DOK4: variants seen among roughly 807,000 people sequenced by gnomAD.
DOK4 encodes the protein docking protein 4.
DOK4 carries 26 observed loss-of-function variants against 40.1 expected under a neutral mutation model. That is an observed-to-expected ratio of 0.65 (90% CI 0.48 to 0.90). The LOEUF (loss-of-function observed/expected upper bound fraction) is 0.90. Ranked by LOEUF, DOK4 falls within the 40% of genes least tolerant of loss-of-function variation. DOK4 has a pLI of 0.00. For missense variants in DOK4, 392 were observed against 437.2 expected, an observed-to-expected ratio of 0.90 and a Z score of 0.92; for synonymous variants, 179 against 177.0, an observed-to-expected ratio of 1.01 and a Z score of -0.09.
chr16:57,475,473 G>A (rs1299311799), intron 4 of DOK4, 33 bp downstream of exon 4: 1 of 1,562,198 alleles, frequency 6.4e-7, no homozygotes, highest in Non-Finnish European at 8.7e-7. Context: ...CCACCCCAGG[G>A]GAGGCAGATG....
chr16:57,482,367 T>TG (rs1364723504), intron 1 of DOK4, among the ~76,000 whole-genome samples: 8 of 138,684 alleles, frequency 5.8e-5, no homozygotes, highest in Non-Finnish European at 9.4e-5. Flanking sequence ...GCTTTTGTTT[T>TG]TTTTTTTTTT....
Position 57,475,846 on chromosome 16 carries a change from T to C in DOK4, c.174+4A>G. 1 of 1,594,922 alleles carries C rather than the reference T, an allele frequency of 6.3e-7. No homozygotes were observed. The highest frequency in any genetic ancestry group is 1.1e-5 in the South Asian group (1 of 90,734). ...TGGGGGAGCTAGGGCCCAGGCCTCC[T>C]AACCTTGGGGCAGCCCCGGAGGCAC... On this transcript the variant is annotated splice_donor_region_variant and intron_variant, in intron 3 of 8. Coordinates refer to ENST00000340099, the Ensembl canonical transcript of DOK4.
In DOK4 at chr16:57,479,390, C is replaced by A; in HGVS notation, c.66+52G>T. On this transcript the variant is annotated intron_variant, in intron 2 of 8. Coordinates refer to ENST00000340099, the Ensembl canonical transcript of DOK4. The surrounding 1 kb of genome is among the most constrained non-coding windows in gnomAD (Gnocchi z 5.8). ...CATGCCTCCAAGCCTGGGACCGAGT[C>A]CTCGGGCCCCCATCCCTTGGCAGGG... 6.3e-7 allele frequency: 1 copy of A among 1,595,716 alleles called. No individual in the cohort carries two copies. The highest frequency in any genetic ancestry group is 1.1e-5 in the South Asian group (1 of 90,434).
chr16:57,477,499 G>A (rs143214354), intron 2 of DOK4, among the ~76,000 whole-genome samples: 33 of 152,356 alleles, frequency 2.2e-4, no homozygotes, highest in Middle Eastern at 3.4e-3. Flanking sequence ...TGGATGAATG[G>A]ATGGATGCTG....
exon 5 of DOK4, chr16:57,475,127 C>T (rs765888102): frequency 8.1e-6 from 13 of 1,612,846 alleles, no homozygotes; most frequent in South Asian, 1.1e-5. Context: ...ACCCCTGGGG[C>T]CAGGAGGTCA....
chr16:57,478,525 G>C (rs2031286324), intron 2 of DOK4: 1 of 152,282 alleles, frequency 6.6e-6, no homozygotes, highest in South Asian at 2.1e-4. Flanking sequence ...TCCTACAGGG[G>C]AAGGGGCAAC....
At chr16:57,472,269 C>G (rs1440818340) in exon 9 of DOK4, 1 of 152,610 alleles carries the variant, frequency 6.6e-6, no homozygotes, top group Admixed American at 6.5e-5. Context: ...AATCAGGACC[C>G]TAAAGTATTA....
At chr16:57,486,469 C>G (rs1370021335) in exon 1 of DOK4, 1 of 151,954 alleles carries the variant, frequency 6.6e-6, no homozygotes, top group Non-Finnish European at 1.5e-5. Context: ...GATCGGGCTC[C>G]GGCTGGGGCT....
intron 1 of DOK4, among the ~76,000 whole-genome samples, chr16:57,482,363 GT>G (rs11390639): frequency 0.071 from 6,570 of 92,822 alleles, 59 homozygotes; most frequent in African/African-American, 0.13. Flanking sequence ...TGGGGCTTTT[GT>G]TTTTTTTTTT....
intron 1 of DOK4, among the ~76,000 whole-genome samples, chr16:57,484,522 C>T (rs1386906335): frequency 1.3e-5 from 2 of 152,148 alleles, no homozygotes; most frequent in African/African-American, 2.4e-5. Flanking sequence ...CAGACAGGGA[C>T]GGCAGAAGGA....
At chr16:57,484,799 CACA>C (rs772703513) in intron 1 of DOK4, among the ~76,000 whole-genome samples, 2 of 152,248 alleles carry the variant, frequency 1.3e-5, no homozygotes, top group Non-Finnish European at 2.9e-5. Context: ...CAGCCTCTCT[CACA>C]ACATCAGATG....
rs1242850291 is a variant in DOK4, at chr16:57,479,015, G to C, written c.66+427C>G. 6.6e-6 allele frequency among the ~76,000 whole-genome samples: 1 copy of C among 152,216 alleles called. No homozygotes were observed. Among genetic ancestry groups the C allele is most frequent in the Non-Finnish European group, 1.5e-5 (1 of 68,038 alleles). On this transcript the variant is annotated intron_variant, in intron 2 of 8. Transcript: ENST00000340099. The surrounding 1 kb of genome is among the most constrained non-coding windows in gnomAD (Gnocchi z 5.8). Reference sequence around the variant, plus strand: ...ACCTAAAAGAAAAGAGGCCAGGAGAGGTGAGGGGAGGCCGGGGGTGGGGGG... The same window carrying C: ...ACCTAAAAGAAAAGAGGCCAGGAGACGTGAGGGGAGGCCGGGGGTGGGGGG...
In DOK4 at chr16:57,479,398, C is replaced by A. The variant is rs746577337; in HGVS notation, c.66+44G>T. 6.8e-6 allele frequency: 11 copies of A among 1,607,808 alleles called. No individual in the cohort carries two copies. In the East Asian group the frequency reaches 2.2e-4, roughly 33 times the overall value. On this transcript the variant is annotated intron_variant, in intron 2 of 8. Transcript: ENST00000340099. This position sits in a 1 kb window ranked among gnomAD's most constrained non-coding sequence, Gnocchi z 5.8. ...CAAGCCTGGGACCGAGTCCTCGGGC[C>A]CCCATCCCTTGGCAGGGCCCCTCCG...
chr16:57,475,511 T>TC lies in DOK4; in HGVS notation c.283dup (p.Asp95GlyfsTer31). ...GGCCCATACTCGCGCCTCACCTGAG[T>TC]CGCAGGTGAAGGTACGTGCCGAGTC... On this transcript the variant is annotated frameshift_variant, in exon 4 of 9. Coordinates refer to ENST00000340099, the Ensembl canonical transcript of DOK4. LOFTEE classifies it high-confidence loss of function. The TC allele has an allele frequency of 6.2e-7, 1 of 1,603,726 alleles. No homozygotes were observed. Among genetic ancestry groups the TC allele is most frequent in the Non-Finnish European group, 8.5e-7 (1 of 1,175,666 alleles).
rs374243109 is a variant in DOK4, at chr16:57,474,990, G to T, written c.410-8C>A. On this transcript the variant is annotated splice_polypyrimidine_tract_variant and splice_region_variant and intron_variant, in intron 5 of 8. Coordinates refer to ENST00000340099, the Ensembl canonical transcript of DOK4. ...GGAAGACATTGAAGCGATCTGGAGT[G>T]GGGGAGGGTGGACAAGTGGGACCAG... 6.2e-6 allele frequency: 10 copies of T among 1,603,604 alleles called. No homozygotes were observed. The highest frequency in any genetic ancestry group is 2.2e-5 in the East Asian group (1 of 44,706).
intron 1 of DOK4, among the ~76,000 whole-genome samples, chr16:57,481,303 C>T (rs1449170305): frequency 6.6e-6 from 1 of 152,186 alleles, no homozygotes; most frequent in African/African-American, 2.4e-5. Flanking sequence ...CCCACTTGCA[C>T]CCTGATAGCC....
At position 57,479,761 on chromosome 16, in the gene DOK4, T is replaced by C. The variant is rs2031349567; in HGVS notation, c.-181-73A>G. ...TTCCTCTCGCTGTCTCGCTCTCTTT[T>C]TTCCTTCCTCTTCCCACACTCCTCC... On this transcript the variant is annotated intron_variant, in intron 1 of 8. Coordinates refer to ENST00000340099, the Ensembl canonical transcript of DOK4. This position sits in a 1 kb window ranked among gnomAD's most constrained non-coding sequence, Gnocchi z 5.8. 4 of 420,876 alleles carry C rather than the reference T, an allele frequency of 9.5e-6. No homozygotes were observed. Among genetic ancestry groups the C allele is most frequent in the Admixed American group, 4.0e-5 (1 of 24,704 alleles). 26.1% of individuals were successfully genotyped at this position (420,876 alleles called of 1,614,324 possible). A position where few individuals can be genotyped will look rare whatever the true frequency, so the allele number is the denominator to read the frequency against.
chr16:57,482,098 T>C (rs1243447481), intron 1 of DOK4, among the ~76,000 whole-genome samples: 4 of 152,046 alleles, frequency 2.6e-5, no homozygotes, highest in African/African-American at 9.7e-5. Context: ...TCTCCTGACC[T>C]CATGATCCGC....
Position 57,479,779 on chromosome 16 carries a change from A to T in DOK4, c.-181-91T>A. 3 of 328,678 alleles carry T rather than the reference A, an allele frequency of 9.1e-6. No individual in the cohort carries two copies. The highest frequency in any genetic ancestry group is 1.7e-5 in the Non-Finnish European group (3 of 177,234). The allele number at this position is 328,678 out of a possible 1,614,324, so 20.4% of individuals were successfully genotyped here. A position where few individuals can be genotyped will look rare whatever the true frequency, so the allele number is the denominator to read the frequency against. ...TCTCTTTTTTCCTTCCTCTTCCCACACTCCTCCTCTCTCCCTCTTCCCTCC... is the reference window on the plus strand; with the variant it reads ...TCTCTTTTTTCCTTCCTCTTCCCACTCTCCTCCTCTCTCCCTCTTCCCTCC... On this transcript the variant is annotated intron_variant, in intron 1 of 8. Transcript: ENST00000340099. The surrounding 1 kb of genome is among the most constrained non-coding windows in gnomAD (Gnocchi z 5.8).
Sources: allele counts gnomAD v4.1 joint callset (sites outside exome capture counted in the v4.1 genomes callset), GRCh38; gene constraint gnomAD v4.1.1; non-coding constraint Gnocchi (gnomAD v3.1); transcripts MANE v1.5; gene names NCBI Gene and HGNC (gene_info 2026-07-23, HGNC 2026-07-21).